ZNF704: variants seen among roughly 807,000 people sequenced by gnomAD.
The protein encoded by ZNF704 is zinc finger protein 704.
Under a neutral mutation model 44.7 loss-of-function variants are expected in ZNF704, and 10 were observed. The ratio of observed to expected loss-of-function variants is 0.22; its 90% CI spans 0.14 to 0.38. The LOEUF (loss-of-function observed/expected upper bound fraction) is 0.38. Among genes scored for constraint, ZNF704 ranks in the 10% least tolerant of loss-of-function variants. The pLI, the probability that ZNF704 is intolerant of heterozygous loss-of-function variation, is 1.00. For missense variants in ZNF704, 390 were observed against 545.5 expected (o/e 0.71, Z 2.84); for synonymous variants, 211 against 207.6 (o/e 1.02, Z -0.14).
At chr8:80,731,149 C>T (rs1806575845) in intron 2 of ZNF704, among the ~76,000 whole-genome samples, 1 of 152,194 alleles carries the variant, frequency 6.6e-6, no homozygotes, top group African/African-American at 2.4e-5. Context: ...GGTTCCATTG[C>T]TAAACAGACA....
chr8:80,815,617 T>C (rs1009358417), intron 2 of ZNF704, among the ~76,000 whole-genome samples: 4 of 152,232 alleles, frequency 2.6e-5, no homozygotes, highest in African/African-American at 9.6e-5. Flanking sequence ...TGGTCTCCAA[T>C]AAACACAAAT....
At position 80,641,348 on chromosome 8, in the gene ZNF704, C is replaced by T. The variant is rs755229528; in HGVS notation, c.*18G>A. ...CAGGAGCGGCTCAGGGCCCTGAGCCCCTCTGCCTGGGGGTCTCTCAGTCGA... is the reference window on the plus strand; with the variant it reads ...CAGGAGCGGCTCAGGGCCCTGAGCCTCTCTGCCTGGGGGTCTCTCAGTCGA... On this transcript the variant is annotated 3_prime_UTR_variant, in exon 9 of 9. Transcript: ENST00000327835. The T allele has an allele frequency of 4.5e-6, 7 of 1,571,874 alleles. No homozygotes were observed. In the South Asian group the frequency reaches 6.9e-5, roughly 16 times the overall value.
chr8:80,852,817 C>T (rs1808888835), intron 1 of ZNF704, among the ~76,000 whole-genome samples: 1 of 152,104 alleles, frequency 6.6e-6, no homozygotes, highest in African/African-American at 2.4e-5. Context: ...ATTCAGAACT[C>T]CTAGAAAGAA....
At chr8:80,739,999 C>T (rs1353825383) in intron 2 of ZNF704, among the ~76,000 whole-genome samples, 1 of 152,104 alleles carries the variant, frequency 6.6e-6, no homozygotes, top group Non-Finnish European at 1.5e-5. Context: ...GTATGCTTGA[C>T]CATTGAGGGT....
At chr8:80,844,471 A>T (rs1337022596) in intron 1 of ZNF704, among the ~76,000 whole-genome samples, 8 of 152,106 alleles carry the variant, frequency 5.3e-5, no homozygotes, top group African/African-American at 1.9e-4. Context: ...ATCACCTCCC[A>T]AAGGTCCTAC....
At chr8:80,821,638 T>A (rs778189953) in intron 1 of ZNF704, 23 bp from the exon 2 acceptor site, 3 of 1,584,218 alleles carry the variant, frequency 1.9e-6, no homozygotes, top group Non-Finnish European at 2.6e-6. Context: ...ACACAGAAAT[T>A]CTTACTCACA....
intron 2 of ZNF704, chr8:80,749,541 C>T (rs1313588255): frequency 6.5e-6 from 1 of 153,208 alleles, no homozygotes; most frequent in Non-Finnish European, 1.5e-5. Flanking sequence ...GAGCTGCAAC[C>T]TCTGATTTAG....
chr8:80,855,433 G>A (rs541110907), intron 1 of ZNF704, among the ~76,000 whole-genome samples: 1 of 152,048 alleles, frequency 6.6e-6, no homozygotes, highest in Non-Finnish European at 1.5e-5. Flanking sequence ...ATACACAGTG[G>A]AATACCATTC....
intron 2 of ZNF704, among the ~76,000 whole-genome samples, chr8:80,820,255 T>C (rs1808246797): frequency 6.6e-6 from 1 of 152,240 alleles, no homozygotes; most frequent in Non-Finnish European, 1.5e-5. Flanking sequence ...GCTTGTTTTC[T>C]AGGTGAGACA....
At chr8:80,729,347 G>A (rs762994103) in intron 2 of ZNF704, among the ~76,000 whole-genome samples, 2 of 152,248 alleles carry the variant, frequency 1.3e-5, no homozygotes, top group East Asian at 1.9e-4. Context: ...ACTGAATTGC[G>A]CTGAGCCTGT....
At chr8:80,706,155 T>C (rs545998817) in intron 2 of ZNF704, among the ~76,000 whole-genome samples, 1 of 152,304 alleles carries the variant, frequency 6.6e-6, no homozygotes, top group East Asian at 1.9e-4. Flanking sequence ...CCATTTTGAG[T>C]CATTCCAGGC....
At chr8:80,849,443 C>T (rs1808821469) in intron 1 of ZNF704, among the ~76,000 whole-genome samples, 1 of 152,174 alleles carries the variant, frequency 6.6e-6, no homozygotes, top group Non-Finnish European at 1.5e-5. Flanking sequence ...AGGTCCTTTT[C>T]TTCACAGAAA....
intron 7 of ZNF704, 90 bp from the exon 8 acceptor site, chr8:80,643,219 C>G: frequency 1.1e-6 from 1 of 906,158 alleles, no homozygotes. Context: ...TGATCCTTGA[C>G]CATTAGAAGC....
chr8:80,696,550 T>C (rs1277656638), intron 2 of ZNF704, among the ~76,000 whole-genome samples: 1 of 152,176 alleles, frequency 6.6e-6, no homozygotes, highest in Non-Finnish European at 1.5e-5. Flanking sequence ...CCCGAGTAGC[T>C]GGGATTACAG....
intron 2 of ZNF704, among the ~76,000 whole-genome samples, chr8:80,724,871 G>A (rs999246727): frequency 6.6e-6 from 1 of 152,106 alleles, no homozygotes; most frequent in African/African-American, 2.4e-5. Context: ...CCACAATGCC[G>A]TTCAAGCAGT....
chr8:80,753,859 C>T (rs182905453), intron 2 of ZNF704, among the ~76,000 whole-genome samples: 2 of 152,308 alleles, frequency 1.3e-5, no homozygotes, highest in East Asian at 3.9e-4. Flanking sequence ...ATAGCTAGGC[C>T]TCTCCGACCC....
chr8:80,711,149 T>C (rs926253375), intron 2 of ZNF704, among the ~76,000 whole-genome samples: 1 of 152,192 alleles, frequency 6.6e-6, no homozygotes, highest in Non-Finnish European at 1.5e-5. Context: ...CATCCTATGG[T>C]GGTTCCTACT....
intron 1 of ZNF704, among the ~76,000 whole-genome samples, chr8:80,853,907 G>T (rs539077409): frequency 6.6e-5 from 10 of 152,208 alleles, no homozygotes; most frequent in Non-Finnish European, 1.3e-4. Context: ...GTTAACGGGA[G>T]TAAACAAAAG....
intron 2 of ZNF704, among the ~76,000 whole-genome samples, chr8:80,771,233 T>A (rs1301054126): frequency 6.6e-6 from 1 of 152,208 alleles, no homozygotes. Flanking sequence ...TCTCTGTATC[T>A]ACAAAATATC....
Sources: allele counts gnomAD v4.1 joint callset (sites outside exome capture counted in the v4.1 genomes callset), GRCh38; gene constraint gnomAD v4.1.1; transcripts MANE v1.5; gene names NCBI Gene and HGNC (gene_info 2026-07-23, HGNC 2026-07-21).